The following RANBP2 variants were observed in gnomAD, a reference collection of about 807,000 sequenced individuals.
RANBP2 encodes RAN binding protein 2.
Under a neutral mutation model 303.6 loss-of-function variants are expected in RANBP2, and 57 were observed. The ratio of observed to expected loss-of-function variants is 0.19; its 90% CI spans 0.15 to 0.23. The LOEUF is 0.23. Among genes scored for constraint, RANBP2 ranks in the 10% least tolerant of loss-of-function variants. The pLI, the probability that RANBP2 is intolerant of heterozygous loss-of-function variation, is 1.00. For synonymous variants in RANBP2, 1,167 were observed against 1,301.5 expected (o/e 0.90, Z 2.23); for missense variants, 3,138 against 3,780.8 (o/e 0.83, Z 4.46).
chr2:108,780,238 G>A (rs34533357), intron 25 of RANBP2, among the ~76,000 whole-genome samples: 36,832 of 145,232 alleles, frequency 0.25, 5,058 homozygotes, highest in African/African-American at 0.34. Context: ...TGTCACCCAG[G>A]CTGGAGTACA....
the RANBP2 span, among the ~76,000 whole-genome samples, chr2:109,582,070 CAACA>C: frequency 3.0e-5 from 3 of 100,350 alleles, no homozygotes; most frequent in African/African-American, 7.9e-5. Flanking sequence ...ATGCCATGTA[CAACA>C]GACACACACA....
At chr2:108,935,745 A>G in the RANBP2 span, among the ~76,000 whole-genome samples, 1 of 152,302 alleles carries the variant, frequency 6.6e-6, no homozygotes, top group South Asian at 2.1e-4. Context: ...AGCTGCTACT[A>G]TGTGGCAATC....
At chr2:108,880,709 C>T in the RANBP2 span, among the ~76,000 whole-genome samples, 2 of 152,122 alleles carry the variant, frequency 1.3e-5, no homozygotes, top group Non-Finnish European at 2.9e-5. Context: ...AGCATCATTT[C>T]CTGAATACTT....
chr2:109,412,441 A>G, the RANBP2 span, among the ~76,000 whole-genome samples: 6 of 152,330 alleles, frequency 3.9e-5, no homozygotes, highest in East Asian at 9.7e-4. Context: ...TGGAGCATTT[A>G]TCTGAACAGG....
At chr2:109,723,208 G>A in the RANBP2 span, among the ~76,000 whole-genome samples, 2 of 152,172 alleles carry the variant, frequency 1.3e-5, no homozygotes, top group Non-Finnish European at 2.9e-5. Flanking sequence ...CTGGAGTGCA[G>A]TGGTATGATC....
chr2:109,013,200 G>A, the RANBP2 span, among the ~76,000 whole-genome samples: 227 of 152,230 alleles, frequency 1.5e-3, 1 homozygote, highest in Admixed American at 3.7e-3. Flanking sequence ...TTCCTTTGGC[G>A]AGCAACTATG....
the RANBP2 span, among the ~76,000 whole-genome samples, chr2:108,853,897 AT>A: frequency 8.3e-6 from 1 of 119,862 alleles, no homozygotes; most frequent in Non-Finnish European, 1.6e-5. Context: ...TATAGTATAT[AT>A]ATTATATATT....
At chr2:109,507,046 G>C in the RANBP2 span, among the ~76,000 whole-genome samples, 1 of 152,236 alleles carries the variant, frequency 6.6e-6, no homozygotes, top group Non-Finnish European at 1.5e-5. Flanking sequence ...GAGGCTACAA[G>C]TGGAGACTGT....
At chr2:108,731,843 C>A in intron 4 of RANBP2, 1 of 225,158 alleles carries the variant, frequency 4.4e-6, no homozygotes, top group Non-Finnish European at 8.8e-6. Flanking sequence ...GAAGTGTTTT[C>A]TAATAACTAT....
chr2:108,740,986 A>T (rs1161416380), intron 7 of RANBP2, among the ~76,000 whole-genome samples: 1 of 152,138 alleles, frequency 6.6e-6, no homozygotes, highest in East Asian at 1.9e-4. Context: ...GTAATCTCGT[A>T]TTATGGGTAA....
the RANBP2 span, among the ~76,000 whole-genome samples, chr2:109,677,963 G>A: frequency 1.3e-5 from 2 of 152,224 alleles, no homozygotes; most frequent in Non-Finnish European, 2.9e-5. Context: ...TCGCAAGAGT[G>A]AATGCCTGTG....
chr2:109,451,896 C>T, the RANBP2 span, among the ~76,000 whole-genome samples: 30 of 152,346 alleles, frequency 2.0e-4, no homozygotes, highest in African/African-American at 7.0e-4. Flanking sequence ...GAGCAGTCCA[C>T]GCTGCACTCC....
the RANBP2 span, among the ~76,000 whole-genome samples, chr2:108,959,225 C>A: frequency 6.6e-6 from 1 of 152,224 alleles, no homozygotes; most frequent in East Asian, 1.9e-4. Flanking sequence ...GGGGCCATTG[C>A]AAGGCCAAGT....
the RANBP2 span, among the ~76,000 whole-genome samples, chr2:109,728,541 C>T: frequency 1.5e-4 from 22 of 151,600 alleles, no homozygotes; most frequent in Admixed American, 1.2e-3. Context: ...CAGCAACCTC[C>T]GCCTCCTGGG....
the RANBP2 span, among the ~76,000 whole-genome samples, chr2:108,899,765 C>G: frequency 6.6e-6 from 1 of 151,990 alleles, no homozygotes; most frequent in Non-Finnish European, 1.5e-5. Context: ...GTGGGCAGAT[C>G]ACCTGAGGTC....
chr2:109,447,989 T>A, the RANBP2 span, among the ~76,000 whole-genome samples: 1 of 152,156 alleles, frequency 6.6e-6, no homozygotes, highest in Non-Finnish European at 1.5e-5. Flanking sequence ...CGGCTTCTCC[T>A]CCAGGCTGCT....
At chr2:109,033,079 T>A in the RANBP2 span, among the ~76,000 whole-genome samples, 1 of 152,340 alleles carries the variant, frequency 6.6e-6, no homozygotes, top group South Asian at 2.1e-4. Flanking sequence ...CTTAGTATGA[T>A]CCATGCCTTG....
the RANBP2 span, among the ~76,000 whole-genome samples, chr2:108,851,068 T>A: frequency 6.6e-6 from 1 of 152,140 alleles, no homozygotes; most frequent in Non-Finnish European, 1.5e-5. Flanking sequence ...TACAACCCCC[T>A]CTTTGGGTTT....
the RANBP2 span, among the ~76,000 whole-genome samples, chr2:109,248,396 G>A: frequency 3.3e-5 from 5 of 151,984 alleles, no homozygotes; most frequent in South Asian, 2.1e-4. Flanking sequence ...ATGTGTTATC[G>A]CTCTCATTTT....
Sources: gnomAD v4.1 joint callset for allele counts (sites outside exome capture counted in the v4.1 genomes callset) on GRCh38, gnomAD v4.1.1 for gene constraint, MANE v1.5 for transcripts, NCBI Gene and HGNC (gene_info 2026-07-23, HGNC 2026-07-21) for gene names.